RCHY1: variants seen among roughly 807,000 people sequenced by gnomAD.
RCHY1 encodes ring finger and CHY zinc finger domain containing 1, also known as RING finger and CHY zinc finger domain-containing protein 1.
RCHY1 carries 21 observed loss-of-function variants against 41.6 expected under a neutral mutation model. The observed-to-expected ratio is 0.51, with a 90% CI of 0.36 to 0.73. The LOEUF is 0.73. Among genes scored for constraint, RCHY1 ranks in the 30% least tolerant of loss-of-function variants. The probability of loss-of-function intolerance (pLI) is 0.00; values close to 1 mark genes in which losing one functional copy is unlikely to be tolerated. For synonymous variants in RCHY1, 79 were observed against 102.9 expected (o/e 0.77, Z 1.41); for missense variants, 265 against 325.3 (o/e 0.81, Z 1.43).
chr4:75,514,190 G>T lies in RCHY1; in HGVS notation c.90+7C>A. The stretch of plus-strand genomic sequence containing the variant: ...CTTGTCAGGGAAGAGTCCATAGAAG[G>T]CGTCACCTTTAGGAGACATCCTCTG... On this transcript the variant is annotated splice_region_variant and intron_variant, in intron 1 of 8. Coordinates refer to ENST00000324439, the MANE Select transcript of RCHY1 (RefSeq NM_015436.4). The T allele has an allele frequency of 6.2e-7, 1 of 1,607,362 alleles. No individual in the cohort carries two copies. Among genetic ancestry groups the T allele is most frequent in the Non-Finnish European group, 8.5e-7 (1 of 1,174,454 alleles).
chr4:75,487,796 C>CAT (rs1553917693), intron 8 of RCHY1, among the ~76,000 whole-genome samples: 3 of 49,764 alleles, frequency 6.0e-5, no homozygotes, highest in Admixed American at 5.3e-4. Context: ...TATATATATT[C>CAT]ATATATATAT....
chr4:75,487,951 G>A (rs1904104), intron 8 of RCHY1, among the ~76,000 whole-genome samples: 31,327 of 129,744 alleles, frequency 0.24, 4,656 homozygotes, highest in African/African-American at 0.34. Flanking sequence ...TTAAATCTTC[G>A]ACACACTTGA....
intron 4 of RCHY1, among the ~76,000 whole-genome samples, chr4:75,493,705 T>C (rs1438993066): frequency 2.6e-5 from 4 of 151,886 alleles, no homozygotes; most frequent in Non-Finnish European, 5.9e-5. Flanking sequence ...AAAATATGTA[T>C]GTCTTAATTA....
chr4:75,504,578 G>A (rs1724117297), intron 3 of RCHY1, among the ~76,000 whole-genome samples: 1 of 152,200 alleles, frequency 6.6e-6, no homozygotes, highest in Non-Finnish European at 1.5e-5. Context: ...CTTCCAGTCA[G>A]TAGCAGGCTA....
chr4:75,508,684 C>G (rs1724569023), intron 3 of RCHY1, 136 bp downstream of exon 3: 1 of 495,250 alleles, frequency 2.0e-6, no homozygotes, highest in Admixed American at 3.9e-5. Flanking sequence ...CGGTATTTAT[C>G]AAAACTCACT....
chr4:75,493,578 CTTAA>C (rs1211077154), intron 4 of RCHY1, among the ~76,000 whole-genome samples: 17 of 151,780 alleles, frequency 1.1e-4, no homozygotes, highest in African/African-American at 1.7e-4. Context: ...CCTCCATTCT[CTTAA>C]TTAAATTCTT....
At chr4:75,491,044 T>C (rs1229763498) in intron 7 of RCHY1, 1 of 170,442 alleles carries the variant, frequency 5.9e-6, no homozygotes, top group Non-Finnish European at 1.2e-5. Flanking sequence ...AAAGAGACTG[T>C]ATTTGTTTAA....
intron 3 of RCHY1, among the ~76,000 whole-genome samples, chr4:75,502,351 T>C (rs1021924470): frequency 9.9e-5 from 15 of 151,920 alleles, no homozygotes; most frequent in African/African-American, 3.6e-4. Context: ...CCATGCTGGC[T>C]AACACGGTGA....
intron 8 of RCHY1, among the ~76,000 whole-genome samples, chr4:75,484,935 T>C (rs1461376581): frequency 1.3e-5 from 2 of 152,104 alleles, no homozygotes; most frequent in Non-Finnish European, 2.9e-5. Context: ...AGAATGCCTA[T>C]TGAGTGAAGC....
At chr4:75,484,265 G>GT (rs772308675) in intron 8 of RCHY1, among the ~76,000 whole-genome samples, 7 of 152,146 alleles carry the variant, frequency 4.6e-5, no homozygotes, top group African/African-American at 9.7e-5. Flanking sequence ...AGGAATCATG[G>GT]TAAGTTCTCA....
chr4:75,509,226 C>T lies in RCHY1; in HGVS notation c.161G>A (p.Arg54His), dbSNP rs377417374. The change falls in exon 2 of 9, where the codon CGC (arginine) becomes CAC (histidine). Residue 54 changes from arginine to histidine, a missense_variant. Coordinates refer to ENST00000324439, the MANE Select transcript of RCHY1 (RefSeq NM_015436.4). ...HDNNEDHQLD[R>H]FKVKEVQCIN... ...GCACTGCACTTCCTTCACTTTAAAG[C>T]GATCTAGTTGATGATCTTCATTGTT... The T allele has an allele frequency of 1.9e-6, 3 of 1,612,698 alleles. No homozygotes were observed. The highest frequency in any genetic ancestry group is 2.2e-5 in the East Asian group (1 of 44,862).
At chr4:75,485,014 A>G (rs1431259636) in intron 8 of RCHY1, among the ~76,000 whole-genome samples, 1 of 152,222 alleles carries the variant, frequency 6.6e-6, no homozygotes, top group South Asian at 2.1e-4. Flanking sequence ...TAAAAAGCTT[A>G]ACTAACTGAT....
chr4:75,488,445 A>C (rs991454797), intron 8 of RCHY1, among the ~76,000 whole-genome samples: 4 of 152,196 alleles, frequency 2.6e-5, no homozygotes, highest in Non-Finnish European at 5.9e-5. Flanking sequence ...ACTTCTGACA[A>C]CTTTAGGACT....
chr4:75,508,220 T>C (rs967861531), intron 3 of RCHY1, among the ~76,000 whole-genome samples: 4 of 152,110 alleles, frequency 2.6e-5, no homozygotes, highest in South Asian at 2.1e-4. Context: ...ATTGGTAACA[T>C]TCCTTTCCTA....
chr4:75,491,409 A>T, intron 7 of RCHY1: 2 of 435,224 alleles, frequency 4.6e-6, no homozygotes, highest in Non-Finnish European at 8.2e-6. Flanking sequence ...GACAAGATTT[A>T]AGAGAAACAT....
chr4:75,479,783 A>C lies in RCHY1; in HGVS notation c.*2755T>G, dbSNP rs1721383746. 6.6e-6 allele frequency: 1 copy of C among 151,448 alleles called. No individual in the cohort carries two copies. The highest frequency in any genetic ancestry group is 6.8e-5 in the Admixed American group (1 of 14,788). The allele number at this position is 151,448 out of a possible 1,614,324, so 9.4% of individuals were successfully genotyped here. A position where few individuals can be genotyped will look rare whatever the true frequency, so the allele number is the denominator to read the frequency against. ...ACAAATTCTGCGGCAGGGCAACCTA[A>C]CTTATTTCAGGGACAGATAATTCTA... On this transcript the variant is annotated 3_prime_UTR_variant, in exon 9 of 9. Coordinates refer to ENST00000324439, the MANE Select transcript of RCHY1 (RefSeq NM_015436.4).
At chr4:75,514,706 G>A (rs948052829), upstream of RCHY1, 10 of 163,904 alleles carry the variant, frequency 6.1e-5, no homozygotes, top group Non-Finnish European at 1.3e-4. Context: ...CGGGGAGCCT[G>A]GAGAAAGGGG....
intron 1 of RCHY1, chr4:75,509,946 T>C (rs1410976935): frequency 6.6e-6 from 1 of 152,654 alleles, no homozygotes; most frequent in Non-Finnish European, 1.5e-5. Context: ...AACACCCCAA[T>C]TTCATTCTGA....
chr4:75,493,973 T>C, intron 4 of RCHY1, 128 bp downstream of exon 4: 1 of 596,034 alleles, frequency 1.7e-6, no homozygotes. Context: ...AATACTGCTT[T>C]TCAAAAAAGC....
Sources: allele counts gnomAD v4.1 joint callset (sites outside exome capture counted in the v4.1 genomes callset), GRCh38; gene constraint gnomAD v4.1.1; transcripts MANE v1.5; gene names NCBI Gene and HGNC (gene_info 2026-07-23, HGNC 2026-07-21).